RUNX1: variants seen among roughly 807,000 people sequenced by gnomAD.
RUNX1 encodes the protein RUNX family transcription factor 1, also known as runt-related transcription factor 1.
In RUNX1, 19 loss-of-function variants were observed where a neutral mutation model predicts 42.8. The observed-to-expected ratio is 0.44, with a 90% CI of 0.31 to 0.65. The LOEUF is 0.65. Ranked by LOEUF, RUNX1 falls within the 30% of genes least tolerant of loss-of-function variation. RUNX1 has a pLI of 0.07. For missense variants in RUNX1, 528 were observed against 672.0 expected, an observed-to-expected ratio of 0.79 and a Z score of 2.37; for synonymous variants, 271 against 289.4, an observed-to-expected ratio of 0.94 and a Z score of 0.64.
chr21:34,852,244 G>A (rs985767489), intron 6 of RUNX1, among the ~76,000 whole-genome samples: 3 of 152,128 alleles, frequency 2.0e-5, no homozygotes, highest in African/African-American at 7.2e-5. Flanking sequence ...TATAAGACAG[G>A]AAAAGTTACC....
intron 2 of RUNX1, among the ~76,000 whole-genome samples, chr21:35,019,174 C>T (rs999534385): frequency 6.6e-6 from 1 of 152,216 alleles, no homozygotes; most frequent in African/African-American, 2.4e-5. Context: ...TTGAAGTGAT[C>T]CACTCATCGT....
At chr21:34,890,427 A>G (rs2058067652) in intron 3 of RUNX1, among the ~76,000 whole-genome samples, 1 of 152,148 alleles carries the variant, frequency 6.6e-6, no homozygotes, top group African/African-American at 2.4e-5. Context: ...GCAGCCGGCC[A>G]GGTGGGGACT....
At chr21:34,974,396 G>A (rs145192446) in intron 2 of RUNX1, among the ~76,000 whole-genome samples, 17 of 146,188 alleles carry the variant, frequency 1.2e-4, no homozygotes, top group African/African-American at 2.9e-4. Context: ...AACCGAAACC[G>A]TGAAAAAAAA....
intron 2 of RUNX1, among the ~76,000 whole-genome samples, chr21:35,011,646 A>T (rs775869976): frequency 1.3e-5 from 2 of 152,246 alleles, no homozygotes; most frequent in Non-Finnish European, 2.9e-5. Flanking sequence ...AGCTCTGCTG[A>T]CTGTCAAGTG....
At chr21:34,875,026 A>T (rs898970539) in intron 5 of RUNX1, among the ~76,000 whole-genome samples, 6 of 152,232 alleles carry the variant, frequency 3.9e-5, no homozygotes, top group Non-Finnish European at 8.8e-5. Context: ...TGCCCATCAA[A>T]CTATAAAATA....
chr21:34,788,939 C>A lies in RUNX1; in HGVS notation c.*3196G>T. 4.3e-6 allele frequency: 1 copy of A among 233,326 alleles called. No homozygotes were observed. The highest frequency in any genetic ancestry group is 5.6e-5 in the Admixed American group (1 of 17,800). 14.5% of individuals were successfully genotyped at this position (233,326 alleles called of 1,614,324 possible). ...GAAACAGGTATTTCAAGGCAGAAAT[C>A]TGCAATCCTAAATTGCAGGACATTT... is the stretch of plus-strand genomic sequence containing the variant. On this transcript the variant is annotated 3_prime_UTR_variant, in exon 9 of 9. Transcript: ENST00000675419.
At chr21:34,870,574 T>C (rs2057722604) in intron 5 of RUNX1, among the ~76,000 whole-genome samples, 4 of 152,196 alleles carry the variant, frequency 2.6e-5, no homozygotes, top group African/African-American at 7.2e-5. Flanking sequence ...AAAGAATAAC[T>C]GGCCCTAAAT....
rs569044647 is a variant in RUNX1, at chr21:34,972,032, T to A, written c.58+76810A>T. Among the ~76,000 whole-genome samples the A allele has an allele frequency of 3.3e-5, 5 of 152,312 alleles. No homozygotes were observed. In the East Asian group the frequency reaches 9.6e-4, roughly 29 times the overall value. ...TTTAGAACACTTTCTCCTGAACACA[T>A]TAACAGGCCAACTTTCAAGTTTACA... On this transcript the variant is annotated intron_variant, in intron 2 of 8. Transcript: ENST00000675419.
rs561211726 is a variant in RUNX1 at position 34,792,669 on chromosome 21, T to A, written c.968-59A>T. ...AGTAGGAGGTTGCGGAGGCCACAGCTCTTCCCTCTGCCCCAGGGGGCTACC... is the reference window on the plus strand; with the variant it reads ...AGTAGGAGGTTGCGGAGGCCACAGCACTTCCCTCTGCCCCAGGGGGCTACC... On this transcript the variant is annotated intron_variant, in intron 8 of 8. Coordinates refer to ENST00000675419, the MANE Select transcript of RUNX1 (RefSeq NM_001754.5). This position sits in a 1 kb window ranked among gnomAD's most constrained non-coding sequence, Gnocchi z 6.9. 2.7e-5 allele frequency: 40 copies of A among 1,466,918 alleles called. No individual in the cohort carries two copies. The African/African-American group carries it at 5.2e-4, about 19-fold the overall frequency. 90.9% of individuals were successfully genotyped at this position (1,466,918 alleles called of 1,614,324 possible). A position where few individuals can be genotyped will look rare whatever the true frequency, so the allele number is the denominator to read the frequency against.
At chr21:34,852,686 T>G (rs2032097) in intron 6 of RUNX1, among the ~76,000 whole-genome samples, 2 of 152,106 alleles carry the variant, frequency 1.3e-5, no homozygotes, top group South Asian at 4.1e-4. Context: ...TTCCTCCTCT[T>G]TGAGCCTCTG....
At chr21:35,034,225 C>T (rs73900784) in intron 2 of RUNX1, among the ~76,000 whole-genome samples, 1 of 152,204 alleles carries the variant, frequency 6.6e-6, no homozygotes, top group South Asian at 2.1e-4. Flanking sequence ...ATTGTCTCCA[C>T]TGTGTAGATA....
At chr21:34,927,050 T>C (rs1346649244) in intron 2 of RUNX1, among the ~76,000 whole-genome samples, 2 of 152,130 alleles carry the variant, frequency 1.3e-5, no homozygotes, top group Non-Finnish European at 2.9e-5. Flanking sequence ...GAGGAACCAG[T>C]TGCCTGCCCA....
chr21:34,836,570 C>G (rs2057149358), intron 6 of RUNX1, among the ~76,000 whole-genome samples: 1 of 152,198 alleles, frequency 6.6e-6, no homozygotes, highest in Non-Finnish European at 1.5e-5. Context: ...AATAACTCAG[C>G]CCTTTAACCT....
intron 5 of RUNX1, among the ~76,000 whole-genome samples, chr21:34,871,350 C>G (rs1339967488): frequency 6.6e-6 from 1 of 151,662 alleles, no homozygotes; most frequent in African/African-American, 2.4e-5. Context: ...TGATCTCTGT[C>G]GAATCTAGGA....
At chr21:34,914,173 T>C (rs538094321) in intron 2 of RUNX1, among the ~76,000 whole-genome samples, 1 of 152,344 alleles carries the variant, frequency 6.6e-6, no homozygotes, top group East Asian at 1.9e-4. Flanking sequence ...TGAGAGCGGC[T>C]GTCTCCTGGC....
At chr21:34,892,834 G>A (rs1340595712) in intron 3 of RUNX1, 91 bp downstream of exon 3, 2 of 780,870 alleles carry the variant, frequency 2.6e-6, no homozygotes, top group Non-Finnish European at 4.4e-6. Context: ...TATATCACAA[G>A]TTATACATAG....
At chr21:34,864,556 A>T (rs1247343118) in intron 5 of RUNX1, among the ~76,000 whole-genome samples, 1 of 152,214 alleles carries the variant, frequency 6.6e-6, no homozygotes, top group Non-Finnish European at 1.5e-5. Context: ...CAGTGCACAG[A>T]TGGCCCCAGC....
In RUNX1 at chr21:34,792,577, C is replaced by T. The variant is rs1216989122; in HGVS notation, c.1001G>A (p.Arg334His). 6.2e-7 allele frequency: 1 copy of T among 1,602,566 alleles called. No homozygotes were observed. Among genetic ancestry groups the T allele is most frequent in the Non-Finnish European group, 8.5e-7 (1 of 1,174,920 alleles). ...APDLTAFSDP[R>H]QFPALPSISD... is the part of the protein sequence containing the mutation. ...GATGGAGGGCAGCGCGGGGAACTGG[C>T]GCGGGTCGCTGAACGCTGTCAGGTC... Residue 334 changes from arginine (R) to histidine (H), a missense_variant, in exon 9 of 9, where the codon CGC (arginine) becomes CAC (histidine). This residue lies in a region of RUNX1 where 331 missense variants were observed against 382.5 expected (regional missense o/e 0.87). Coordinates refer to ENST00000675419, the MANE Select transcript of RUNX1 (RefSeq NM_001754.5). The surrounding 1 kb of genome is among the most constrained non-coding windows in gnomAD (Gnocchi z 6.9).
intron 6 of RUNX1, among the ~76,000 whole-genome samples, chr21:34,852,983 C>A (rs1173440661): frequency 6.6e-5 from 10 of 152,228 alleles, no homozygotes; most frequent in Admixed American, 2.6e-4. Context: ...CTTTTCATCC[C>A]CCCGGCGGCT....
Sources: gnomAD v4.1 joint callset for allele counts (sites outside exome capture counted in the v4.1 genomes callset) on GRCh38, gnomAD v4.1.1 for gene constraint, gnomAD v4.1.1 regional missense constraint, Gnocchi (gnomAD v3.1) non-coding constraint, MANE v1.5 for transcripts, NCBI Gene and HGNC (gene_info 2026-07-23, HGNC 2026-07-21) for gene names.